CCDC3: variants seen among roughly 807,000 people sequenced by gnomAD.
CCDC3 encodes coiled-coil domain-containing protein 3.
A neutral mutation model predicts 21.4 loss-of-function variants in CCDC3; 24 were observed. The ratio of observed to expected loss-of-function variants is 1.12; its 90% CI spans 0.81 to 1.58. The LOEUF (loss-of-function observed/expected upper bound fraction) is 1.58, where lower values mean the gene tolerates loss of function less well. Among genes scored for constraint, CCDC3 ranks in the 40% most tolerant of loss-of-function variants. The probability of loss-of-function intolerance (pLI) is 0.00; values close to 1 mark genes in which losing one functional copy is unlikely to be tolerated. For synonymous variants in CCDC3, 186 were observed against 166.0 expected, an observed-to-expected ratio of 1.12 and a Z score of -0.93; for missense variants, 425 against 360.9, an observed-to-expected ratio of 1.18 and a Z score of -1.44.
At chr10:13,007,176 T>C (rs1454728623) in intron 5 of CCDC3, among the ~76,000 whole-genome samples, 1 of 152,176 alleles carries the variant, frequency 6.6e-6, no homozygotes, top group African/African-American at 2.4e-5. Context: ...TTCTCATTGC[T>C]GTCGTGAAGG....
intron 4 of CCDC3, among the ~76,000 whole-genome samples, chr10:13,062,858 T>C (rs1372078891): frequency 6.6e-6 from 1 of 152,128 alleles, no homozygotes; most frequent in Non-Finnish European, 1.5e-5. Context: ...TTGCATGCCC[T>C]GCACTTGATG....
At chr10:13,084,815 G>A (rs1463220554) in intron 3 of CCDC3, among the ~76,000 whole-genome samples, 4 of 152,180 alleles carry the variant, frequency 2.6e-5, no homozygotes, top group African/African-American at 9.7e-5. Flanking sequence ...GAAGGAGTGA[G>A]ATTGTCTAGG....
At chr10:13,079,599 G>A (rs1837008558) in intron 3 of CCDC3, among the ~76,000 whole-genome samples, 1 of 152,178 alleles carries the variant, frequency 6.6e-6, no homozygotes, top group Non-Finnish European at 1.5e-5. Flanking sequence ...GGGAGAATGG[G>A]GGTGGCGGTG....
chr10:12,899,533 G>T (rs779043199), intron 2 of CCDC3, among the ~76,000 whole-genome samples: 3 of 152,046 alleles, frequency 2.0e-5, no homozygotes, highest in Non-Finnish European at 4.4e-5. Flanking sequence ...TTAAAAGATT[G>T]GGAACAAAAA....
chr10:12,943,061 T>C (rs904026423), intron 2 of CCDC3, among the ~76,000 whole-genome samples: 9 of 152,358 alleles, frequency 5.9e-5, no homozygotes, highest in Admixed American at 5.2e-4. Flanking sequence ...TATCTTCAGA[T>C]GGTATTACCA....
chr10:12,971,208 T>G (rs749911380), intron 2 of CCDC3, among the ~76,000 whole-genome samples: 2 of 152,208 alleles, frequency 1.3e-5, no homozygotes, highest in Non-Finnish European at 2.9e-5. Context: ...CCTAAGTAGC[T>G]GGCGTGAGCA....
intron 2 of CCDC3, among the ~76,000 whole-genome samples, chr10:12,936,584 G>C (rs1019635641): frequency 3.3e-5 from 5 of 152,146 alleles, no homozygotes; most frequent in Non-Finnish European, 7.4e-5. Context: ...CCTAGGTATA[G>C]GTTTTTGGCA....
chr10:13,023,905 T>A (rs557104465), intron 5 of CCDC3, among the ~76,000 whole-genome samples: 1 of 152,224 alleles, frequency 6.6e-6, no homozygotes, highest in African/African-American at 2.4e-5. Context: ...AAGGCAAGCA[T>A]AGGAAACCTG....
At chr10:13,000,680 C>T (rs1452930859) in intron 1 of CCDC3, among the ~76,000 whole-genome samples, 2 of 152,160 alleles carry the variant, frequency 1.3e-5, no homozygotes, top group African/African-American at 4.8e-5. Flanking sequence ...AACTTCTAAC[C>T]TGCACCAGGT....
chr10:13,018,375 T>C (rs1836096830), intron 5 of CCDC3, among the ~76,000 whole-genome samples: 1 of 152,066 alleles, frequency 6.6e-6, no homozygotes, highest in African/African-American at 2.4e-5. Context: ...CCAGCTTTCA[T>C]CCCTGACATA....
At chr10:13,072,810 AT>A (rs1320522446) in intron 4 of CCDC3, among the ~76,000 whole-genome samples, 2 of 151,764 alleles carry the variant, frequency 1.3e-5, no homozygotes, top group Non-Finnish European at 2.9e-5. Context: ...TTCTGCAACA[AT>A]GATGCCTTAA....
chr10:12,964,938 C>T (rs549192873), intron 2 of CCDC3, among the ~76,000 whole-genome samples: 1 of 152,198 alleles, frequency 6.6e-6, no homozygotes, highest in African/African-American at 2.4e-5. Flanking sequence ...ACAGTACATG[C>T]AGACAGTGGC....
intron 2 of CCDC3, among the ~76,000 whole-genome samples, chr10:12,973,514 T>C (rs958550083): frequency 6.6e-6 from 1 of 152,212 alleles, no homozygotes; most frequent in Admixed American, 6.5e-5. Flanking sequence ...CAGGAAAATG[T>C]AGGAGGAGCC....
At position 12,898,314 on chromosome 10, in the gene CCDC3, CAA is replaced by C; in HGVS notation, c.*100_*101del. On this transcript the variant is annotated 3_prime_UTR_variant, in exon 3 of 3. Transcript: ENST00000378825. ...ACTCTACCAAATGCGTGATTAAAAA[CAA>C]AAACTCTTACAACCCTTGAAATAGC... The C allele has an allele frequency of 7.7e-7, 1 of 1,294,120 alleles. No individual in the cohort carries two copies. The highest frequency in any genetic ancestry group is 1.0e-6 in the Non-Finnish European group (1 of 952,602). The allele number at this position is 1,294,120 out of a possible 1,614,324, so 80.2% of individuals were successfully genotyped here.
chr10:12,999,461 C>T lies in CCDC3; in HGVS notation c.375-949G>A, dbSNP rs532159188. On this transcript the variant is annotated intron_variant, in intron 1 of 2. Transcript: ENST00000378825. ...GTTACACTCCAGTCTACAGAAAACA[C>T]GTAGGGCTCACCAGCAAGTCTCCGT... 1.5e-4 allele frequency among the ~76,000 whole-genome samples: 23 copies of T among 152,264 alleles called. 1 individual carries two copies. The highest frequency in any genetic ancestry group is 8.3e-4 in the South Asian group (4 of 4,824).
intron 2 of CCDC3, among the ~76,000 whole-genome samples, chr10:12,917,490 C>A (rs1005043487): frequency 2.6e-5 from 4 of 152,124 alleles, no homozygotes; most frequent in African/African-American, 9.7e-5. Flanking sequence ...GCCACTGCGC[C>A]CGGCCAGAAA....
chr10:12,973,405 CA>C (rs1468046374), intron 2 of CCDC3, among the ~76,000 whole-genome samples: 3 of 152,164 alleles, frequency 2.0e-5, no homozygotes, highest in African/African-American at 7.2e-5. Context: ...AAGGCCTGAG[CA>C]ATGGAAATGG....
chr10:12,929,261 C>CA (rs10609537), intron 2 of CCDC3, among the ~76,000 whole-genome samples: 1,259 of 104,524 alleles, frequency 0.012, 11 homozygotes, highest in Non-Finnish European at 0.018. Flanking sequence ...GATTCCATCT[C>CA]AAAAAAAAAA....
At chr10:12,991,190 G>A (rs371872042) in intron 2 of CCDC3, among the ~76,000 whole-genome samples, 30 of 152,212 alleles carry the variant, frequency 2.0e-4, no homozygotes, top group African/African-American at 4.1e-4. Flanking sequence ...TTCAAACCTC[G>A]CTTTAGAAAC....
Sources: gnomAD v4.1 joint callset for allele counts (sites outside exome capture counted in the v4.1 genomes callset) on GRCh38, gnomAD v4.1.1 for gene constraint, MANE v1.5 for transcripts, NCBI Gene and HGNC (gene_info 2026-07-23, HGNC 2026-07-21) for gene names.